The following CTNNA3 variants were observed in gnomAD, a reference collection of about 807,000 sequenced individuals.
CTNNA3 encodes the protein catenin alpha-3.
A neutral mutation model predicts 95.7 loss-of-function variants in CTNNA3; 76 were observed. The ratio of observed to expected loss-of-function variants is 0.79; its 90% CI spans 0.66 to 0.96. CTNNA3 has a LOEUF of 0.96. CTNNA3 is among the 40% of genes least tolerant of loss of function. CTNNA3 has a pLI of 0.00. For synonymous variants in CTNNA3, 431 were observed against 374.4 expected, an observed-to-expected ratio of 1.15 and a Z score of -1.74; for missense variants, 1,191 against 1,089.8, an observed-to-expected ratio of 1.09 and a Z score of -1.31.
At chr10:67,211,837 A>G (rs925057277) in intron 6 of CTNNA3, among the ~76,000 whole-genome samples, 6 of 152,130 alleles carry the variant, frequency 3.9e-5, no homozygotes, top group African/African-American at 1.4e-4. Context: ...TTGACTTTGT[A>G]CAAGTTACAC....
At position 67,735,110 on chromosome 10, in the gene CTNNA3, AC is replaced by A. The variant is rs761859152; in HGVS notation, c.-2+28323del. Among the ~76,000 whole-genome samples, 68 of 149,218 alleles carry A rather than the reference AC, an allele frequency of 4.6e-4. 1 individual carries two copies. The East Asian group carries it at 9.2e-3, about 20-fold the overall frequency. ...GGAAATGTAAACTTTTAACATGTCC[AC>A]CCTTCCAGCAAGTGAGCACACACAC... On this transcript the variant is annotated intron_variant, in intron 1 of 17. Transcript: ENST00000684154.
At chr10:66,456,767 G>A (rs1268113184) in intron 11 of CTNNA3, among the ~76,000 whole-genome samples, 1 of 152,200 alleles carries the variant, frequency 6.6e-6, no homozygotes, top group South Asian at 2.1e-4. Context: ...AAAACATTAT[G>A]ATGTAAATAT....
At chr10:66,228,516 T>A (rs556935164) in intron 13 of CTNNA3, among the ~76,000 whole-genome samples, 9 of 152,252 alleles carry the variant, frequency 5.9e-5, no homozygotes, top group African/African-American at 2.2e-4. Context: ...TTCATTGTTA[T>A]TTTTTAAAAA....
chr10:67,270,229 T>C (rs1182977963), intron 5 of CTNNA3, among the ~76,000 whole-genome samples: 1 of 152,208 alleles, frequency 6.6e-6, no homozygotes, highest in Non-Finnish European at 1.5e-5. Context: ...AGAGAATCTA[T>C]TAGGATAGGC....
At chr10:67,427,080 G>C (rs1198472724) in intron 5 of CTNNA3, among the ~76,000 whole-genome samples, 1 of 151,850 alleles carries the variant, frequency 6.6e-6, no homozygotes, top group Non-Finnish European at 1.5e-5. Context: ...TCACTTGATG[G>C]CTTTAACAAA....
chr10:67,238,345 T>C (rs1283302544), intron 5 of CTNNA3, among the ~76,000 whole-genome samples: 1 of 152,082 alleles, frequency 6.6e-6, no homozygotes, highest in Non-Finnish European at 1.5e-5. Context: ...TCGTAAATTG[T>C]TCCTTGAGTA....
rs544334868 is a variant in CTNNA3 at position 66,923,237 on chromosome 10, C to T, written c.1048-147713G>A. On this transcript the variant is annotated intron_variant, in intron 7 of 17. Transcript: ENST00000433211. ...TAACACAGCAGAGAATAATATTCACCGTAAATAATTCAAGAAGATTTATCC... is the reference window on the plus strand; with the variant it reads ...TAACACAGCAGAGAATAATATTCACTGTAAATAATTCAAGAAGATTTATCC... 7.9e-5 allele frequency among the ~76,000 whole-genome samples: 12 copies of T among 152,202 alleles called. No individual in the cohort carries two copies. The South Asian group carries it at 1.7e-3, about 21-fold the overall frequency.
rs557187407 is a variant in CTNNA3 at position 66,080,321 on chromosome 10, T to C, written c.1978-10832A>G. On this transcript the variant is annotated intron_variant, in intron 14 of 17. Transcript: ENST00000433211. The stretch of plus-strand genomic sequence containing the variant: ...GTAAAATTCTTCAAAATCACTCTTA[T>C]ATATATACAAGAGAGTGATCTTGTA... 2.6e-5 allele frequency among the ~76,000 whole-genome samples: 4 copies of C among 152,246 alleles called. No homozygotes were observed. In the South Asian group the frequency reaches 6.2e-4, roughly 24 times the overall value.
intron 9 of CTNNA3, among the ~76,000 whole-genome samples, chr10:66,629,845 A>T (rs552241096): frequency 1.3e-5 from 2 of 152,170 alleles, no homozygotes; most frequent in East Asian, 3.9e-4. Flanking sequence ...CCACCTTCAC[A>T]CCACTTATAC....
At chr10:66,543,911 GTATATATATATATATATATATATA>G (rs1198925758) in intron 10 of CTNNA3, among the ~76,000 whole-genome samples, 2 of 16,224 alleles carry the variant, frequency 1.2e-4, no homozygotes, top group African/African-American at 3.1e-4. Context: ...GTGTGTGTGT[GTATATATATATATATATATATATA>G]TATATATATA....
chr10:67,593,529 G>A (rs1245023978), intron 3 of CTNNA3, among the ~76,000 whole-genome samples: 4 of 152,076 alleles, frequency 2.6e-5, no homozygotes, highest in African/African-American at 9.7e-5. Flanking sequence ...TATTGTGAAT[G>A]GATTGTATTC....
At chr10:67,030,296 G>A (rs1041558126) in intron 7 of CTNNA3, among the ~76,000 whole-genome samples, 11 of 152,104 alleles carry the variant, frequency 7.2e-5, no homozygotes, top group Admixed American at 2.0e-4. Flanking sequence ...ATTTGAAGTC[G>A]AGTTCTAAAG....
intron 15 of CTNNA3, among the ~76,000 whole-genome samples, chr10:66,035,632 G>A (rs1463440280): frequency 6.6e-6 from 1 of 151,774 alleles, no homozygotes. Flanking sequence ...ATTTGGGGAT[G>A]AGTTTACCTT....
chr10:66,978,319 A>T (rs933538645), intron 7 of CTNNA3, among the ~76,000 whole-genome samples: 5 of 151,720 alleles, frequency 3.3e-5, no homozygotes, highest in African/African-American at 1.2e-4. Flanking sequence ...TGAGGTCAGG[A>T]GTTCGAGACC....
chr10:65,966,522 C>T (rs1941989), intron 17 of CTNNA3, 90 bp downstream of exon 17: 1 of 1,118,134 alleles, frequency 8.9e-7, no homozygotes, highest in South Asian at 2.9e-5. Flanking sequence ...CTAATTTTAC[C>T]TAAAAGATTT....
At chr10:66,223,095 ATG>A (rs973424325) in intron 13 of CTNNA3, among the ~76,000 whole-genome samples, 1 of 152,132 alleles carries the variant, frequency 6.6e-6, no homozygotes, top group African/African-American at 2.4e-5. Flanking sequence ...CCTTAACAAA[ATG>A]TTTATAATTT....
intron 10 of CTNNA3, among the ~76,000 whole-genome samples, chr10:66,615,297 G>A (rs1180669172): frequency 6.6e-6 from 1 of 152,040 alleles, no homozygotes; most frequent in Non-Finnish European, 1.5e-5. Flanking sequence ...TATCACACGT[G>A]AGCATGAAAA....
intron 12 of CTNNA3, among the ~76,000 whole-genome samples, chr10:66,346,319 A>G (rs4288661): frequency 0.91 from 133,953 of 147,150 alleles, 61,192 homozygotes; most frequent in East Asian, 1. Context: ...TTGCCCTGTC[A>G]CCAGGCTGGA....
intron 7 of CTNNA3, among the ~76,000 whole-genome samples, chr10:66,812,125 C>T (rs949684126): frequency 6.6e-6 from 1 of 152,012 alleles, no homozygotes; most frequent in African/African-American, 2.4e-5. Flanking sequence ...AAATTCTCTC[C>T]TTACTAAAAT....
Sources: allele counts gnomAD v4.1 joint callset (sites outside exome capture counted in the v4.1 genomes callset), GRCh38; gene constraint gnomAD v4.1.1; transcripts MANE v1.5; gene names NCBI Gene and HGNC (gene_info 2026-07-23, HGNC 2026-07-21).